PTPRT: variants seen among roughly 807,000 people sequenced by gnomAD.
The protein encoded by PTPRT is protein tyrosine phosphatase receptor type T, also known as receptor-type tyrosine-protein phosphatase T.
PTPRT carries 56 observed loss-of-function variants against 176.8 expected under a neutral mutation model. That is an observed-to-expected ratio of 0.32 (90% CI 0.26 to 0.40). The LOEUF (loss-of-function observed/expected upper bound fraction) is 0.40, where lower values mean the gene tolerates loss of function less well. PTPRT is among the 10% of genes least tolerant of loss of function. The pLI, the probability that PTPRT is intolerant of heterozygous loss-of-function variation, is 1.00. For synonymous variants in PTPRT, 783 were observed against 739.0 expected (o/e 1.06, Z -0.96); for missense variants, 1,540 against 1,908.2 (o/e 0.81, Z 3.60).
chr20:43,029,997 T>C (rs1288741932), intron 1 of PTPRT, among the ~76,000 whole-genome samples: 1 of 152,212 alleles, frequency 6.6e-6, no homozygotes, highest in Non-Finnish European at 1.5e-5. Flanking sequence ...AAATGAACTT[T>C]TGTGGTTGTA....
At chr20:42,548,058 T>C (rs534683113) in intron 7 of PTPRT, among the ~76,000 whole-genome samples, 2 of 152,142 alleles carry the variant, frequency 1.3e-5, no homozygotes, top group Admixed American at 6.5e-5. Context: ...AAAAATCTGA[T>C]AAGGTAATGG....
chr20:43,044,147 T>G (rs891039350), intron 1 of PTPRT, among the ~76,000 whole-genome samples: 3 of 152,080 alleles, frequency 2.0e-5, no homozygotes, highest in African/African-American at 7.2e-5. Flanking sequence ...TAGGCTGAAT[T>G]TGGAGCACCT....
intron 7 of PTPRT, among the ~76,000 whole-genome samples, chr20:42,623,318 A>G (rs2074233237): frequency 6.6e-6 from 1 of 152,204 alleles, no homozygotes; most frequent in Non-Finnish European, 1.5e-5. Flanking sequence ...CCAGGGGGCC[A>G]GAGGCCAAAG....
At chr20:42,716,244 A>G (rs551254022) in intron 6 of PTPRT, among the ~76,000 whole-genome samples, 2 of 152,314 alleles carry the variant, frequency 1.3e-5, no homozygotes, top group Admixed American at 1.3e-4. Context: ...TATTTAAAAA[A>G]AAATTGCAGA....
intron 7 of PTPRT, among the ~76,000 whole-genome samples, chr20:42,554,154 G>C (rs1214122352): frequency 6.6e-6 from 1 of 152,060 alleles, no homozygotes; most frequent in Non-Finnish European, 1.5e-5. Context: ...CTTGAATTTT[G>C]TTTCTTCAAC....
chr20:42,295,526 A>C (rs2057374568), intron 12 of PTPRT, among the ~76,000 whole-genome samples: 1 of 152,174 alleles, frequency 6.6e-6, no homozygotes, highest in Non-Finnish European at 1.5e-5. Flanking sequence ...TAAAAGTTTA[A>C]TATGTTTAAC....
chr20:42,472,692 T>A, intron 7 of PTPRT, 130 bp from the exon 8 acceptor site: 1 of 916,416 alleles, frequency 1.1e-6, no homozygotes, highest in Non-Finnish European at 1.6e-6. Flanking sequence ...GCCATCATGA[T>A]TTTTGACACA....
At chr20:42,865,777 C>T (rs2078736019) in intron 2 of PTPRT, among the ~76,000 whole-genome samples, 1 of 152,140 alleles carries the variant, frequency 6.6e-6, no homozygotes, top group Non-Finnish European at 1.5e-5. Context: ...TCCCAGGGTG[C>T]CAATTCTCCG....
At chr20:42,594,038 C>T (rs1353697717) in intron 7 of PTPRT, among the ~76,000 whole-genome samples, 1 of 151,870 alleles carries the variant, frequency 6.6e-6, no homozygotes, top group Non-Finnish European at 1.5e-5. Flanking sequence ...CAGAGAGTAC[C>T]GGAGGAGAAG....
chr20:42,841,595 G>T (rs1274967510), intron 2 of PTPRT, among the ~76,000 whole-genome samples: 1 of 140,866 alleles, frequency 7.1e-6, no homozygotes. Flanking sequence ...ACAGCCAAAT[G>T]AATTTAGTGT....
chr20:42,536,186 T>G (rs1193628959), intron 7 of PTPRT, among the ~76,000 whole-genome samples: 2 of 152,208 alleles, frequency 1.3e-5, no homozygotes, highest in East Asian at 3.9e-4. Context: ...AAGCAACAGC[T>G]TCCCATGTGC....
chr20:42,505,041 T>A (rs1228849864), intron 7 of PTPRT, among the ~76,000 whole-genome samples: 2 of 151,994 alleles, frequency 1.3e-5, no homozygotes, highest in African/African-American at 4.8e-5. Flanking sequence ...CAAATCCCAA[T>A]GACCCCCTAT....
intron 16 of PTPRT, among the ~76,000 whole-genome samples, chr20:42,190,394 A>T (rs1990954261): frequency 6.6e-6 from 1 of 152,178 alleles, no homozygotes; most frequent in African/African-American, 2.4e-5. Context: ...CATAACTATT[A>T]ATGGGCTTTA....
intron 6 of PTPRT, among the ~76,000 whole-genome samples, chr20:42,713,623 T>A (rs544608512): frequency 9.8e-5 from 15 of 152,322 alleles, no homozygotes; most frequent in African/African-American, 3.4e-4. Context: ...AAGGAAGACA[T>A]GTGATACAGT....
the PTPRT span, among the ~76,000 whole-genome samples, chr20:42,045,386 CAG>C: frequency 6.6e-6 from 1 of 151,758 alleles, no homozygotes; most frequent in Non-Finnish European, 1.5e-5. Context: ...GGGAAAATGT[CAG>C]TGAGTTTTAC....
chr20:42,795,921 A>G (rs1435074136), intron 2 of PTPRT, among the ~76,000 whole-genome samples: 1 of 152,244 alleles, frequency 6.6e-6, no homozygotes, highest in African/African-American at 2.4e-5. Flanking sequence ...ACAGATAGCC[A>G]ACAGCAGGTA....
At chr20:42,794,025 C>G (rs2145561490) in intron 2 of PTPRT, among the ~76,000 whole-genome samples, 1 of 152,296 alleles carries the variant, frequency 6.6e-6, no homozygotes, top group Admixed American at 6.5e-5. Context: ...TTACAATCCA[C>G]TGTAGAGAGA....
At chr20:42,305,441 G>T (rs1423831144) in intron 12 of PTPRT, among the ~76,000 whole-genome samples, 1 of 151,950 alleles carries the variant, frequency 6.6e-6, no homozygotes, top group African/African-American at 2.4e-5. Context: ...ATATATGCAT[G>T]CTAAAATATT....
the PTPRT span, among the ~76,000 whole-genome samples, chr20:42,065,942 A>G: frequency 6.6e-6 from 1 of 152,176 alleles, no homozygotes; most frequent in South Asian, 2.1e-4. Context: ...TTAAGTATTA[A>G]GATGATTATA....
Sources: gnomAD v4.1 joint callset for allele counts (sites outside exome capture counted in the v4.1 genomes callset) on GRCh38, gnomAD v4.1.1 for gene constraint, MANE v1.5 for transcripts, NCBI Gene and HGNC (gene_info 2026-07-23, HGNC 2026-07-21) for gene names.